FMR1NB: variants seen among roughly 807,000 people sequenced by gnomAD.
FMR1NB encodes FMR1 neighbor protein.
In FMR1NB, 10 loss-of-function variants were observed where a neutral mutation model predicts 16.8. That is an observed-to-expected ratio of 0.60 (90% confidence interval 0.37 to 1.01). The LOEUF (loss-of-function observed/expected upper bound fraction) is 1.01. Among genes scored for constraint, FMR1NB ranks in the 50% least tolerant of loss-of-function variants. FMR1NB has a pLI of 0.01. For missense variants in FMR1NB, 205 were observed against 204.8 expected, an observed-to-expected ratio of 1.00 and a Z score of 0.00; for synonymous variants, 83 against 79.1, an observed-to-expected ratio of 1.05 and a Z score of -0.26.
intron 5 of FMR1NB, among the ~76,000 whole-genome samples, chrX:148,025,545 G>T (rs1215551885): frequency 9.0e-6 from 1 of 111,579 alleles, no homozygotes; most frequent in Non-Finnish European, 1.9e-5. Context: ...TACTTGTACA[G>T]GGTTATAGAT....
chrX:148,006,483 A>G lies in FMR1NB; in HGVS notation c.398-219A>G, dbSNP rs782630114. ...CTATCTTACCAAAGATTTTTTAACA[A>G]CTTGTAATTTTCTGCAATTCACCTA... On this transcript the variant is annotated intron_variant, in intron 2 of 5. Coordinates refer to ENST00000370467, the MANE Select transcript of FMR1NB (RefSeq NM_152578.3). Among the ~76,000 whole-genome samples the G allele has an allele frequency of 4.4e-5, 5 of 112,482 alleles. No homozygotes were observed. In the East Asian group the frequency reaches 1.1e-3, roughly 25 times the overall value.
At chrX:148,018,740 T>A (rs963337397) in intron 4 of FMR1NB, among the ~76,000 whole-genome samples, 1 of 110,970 alleles carries the variant, frequency 9.0e-6, no homozygotes, top group Non-Finnish European at 1.9e-5. Context: ...AACCTAGGCA[T>A]TACCATTCAG....
chrX:147,987,774 C>G (rs2044484387), intron 1 of FMR1NB, among the ~76,000 whole-genome samples: 1 of 111,082 alleles, frequency 9.0e-6, no homozygotes, highest in Non-Finnish European at 1.9e-5. Context: ...CATTGATTCC[C>G]TTTACCATTA....
intron 3 of FMR1NB, 73 bp from the exon 4 acceptor site, chrX:148,008,545 A>T: frequency 1.0e-6 from 1 of 979,693 alleles, no homozygotes; most frequent in Non-Finnish European, 1.4e-6. Context: ...CTTTATAAAG[A>T]CTTTATGAAA....
Position 148,024,849 on chromosome X carries a change from A to T in FMR1NB, c.633-16A>T. ...TAATGAGAAATAAGGTTTCACTTGA[A>T]CTTTTTATGTTACAGCGAACCGGCC... is the stretch of plus-strand genomic sequence containing the variant. On this transcript the variant is annotated splice_polypyrimidine_tract_variant and intron_variant, in intron 4 of 5. Coordinates refer to ENST00000370467, the MANE Select transcript of FMR1NB (RefSeq NM_152578.3). 1 of 1,206,380 alleles carries T rather than the reference A, an allele frequency of 8.3e-7. No individual in the cohort carries two copies. The highest frequency in any genetic ancestry group is 1.1e-6 in the Non-Finnish European group (1 of 892,424).
At chrX:147,984,974 C>T (rs1446205335) in intron 1 of FMR1NB, among the ~76,000 whole-genome samples, 1 of 112,012 alleles carries the variant, frequency 8.9e-6, no homozygotes, top group African/African-American at 3.2e-5. Flanking sequence ...ATTATGTTGA[C>T]TGATTTTCTT....
intron 1 of FMR1NB, among the ~76,000 whole-genome samples, chrX:148,002,524 T>G (rs1411479161): frequency 8.9e-6 from 1 of 112,235 alleles, no homozygotes; most frequent in African/African-American, 3.2e-5. Context: ...AAGCTAACGA[T>G]AATGTAATGA....
chrX:148,010,513 A>G (rs975241042), intron 4 of FMR1NB, among the ~76,000 whole-genome samples: 5 of 112,074 alleles, frequency 4.5e-5, no homozygotes. Context: ...TTTGCAGGGC[A>G]AGATATCTCC....
Position 148,006,677 on chromosome X carries a change from T to C in FMR1NB, c.398-25T>C, listed in dbSNP as rs189578316. 33 of 1,183,977 alleles carry C rather than the reference T, an allele frequency of 2.8e-5. No individual in the cohort carries two copies. The African/African-American group carries it at 5.7e-4, about 21-fold the overall frequency. On this transcript the variant is annotated intron_variant, in intron 2 of 5. Transcript: ENST00000370467. Reference sequence around the variant, plus strand: ...TGGTAACTAACCATGCTGAATTCTCTTTCTTAAATTTCTGTTTTTAAAAGC... The same window carrying C: ...TGGTAACTAACCATGCTGAATTCTCCTTCTTAAATTTCTGTTTTTAAAAGC...
chrX:147,982,580 C>G (rs1426034007), intron 1 of FMR1NB, among the ~76,000 whole-genome samples: 2 of 80,309 alleles, frequency 2.5e-5, no homozygotes, highest in African/African-American at 1.0e-4. Context: ...CAGAGCGAGA[C>G]TCCGTCTCAA....
chrX:148,018,131 G>T (rs1557190294), intron 4 of FMR1NB, among the ~76,000 whole-genome samples: 1 of 110,268 alleles, frequency 9.1e-6, no homozygotes, highest in African/African-American at 3.4e-5. Context: ...TTGCACAAGG[G>T]TTGAACTAGT....
At position 147,986,275 on chromosome X, in the gene FMR1NB, TTCACTCTGA is replaced by T. The variant is rs1233225421; in HGVS notation, c.277+4598_277+4606del. Among the ~76,000 whole-genome samples, 3 of 112,595 alleles carry T rather than the reference TTCACTCTGA, an allele frequency of 2.7e-5. No individual in the cohort carries two copies. In the Admixed American group the frequency reaches 2.8e-4, roughly 11 times the overall value. ...TTTCTCCCATTCTATAGGTTGCCTG[TTCACTCTGA>T]TGATAGTTTCTTTTGCTGAGCAGAA... On this transcript the variant is annotated intron_variant, in intron 1 of 5. Transcript: ENST00000370467.
At chrX:148,026,103 T>C (rs2044702470) in intron 5 of FMR1NB, 1 of 111,690 alleles carries the variant, frequency 9.0e-6, no homozygotes, top group African/African-American at 3.2e-5. Context: ...ATTACTATAA[T>C]GCCTGTGTAT....
intron 4 of FMR1NB, among the ~76,000 whole-genome samples, chrX:148,018,394 G>A (rs999004228): frequency 1.8e-4 from 20 of 111,709 alleles, no homozygotes; most frequent in Admixed American, 1.6e-3. Flanking sequence ...GAACAAAGCT[G>A]GAGGCATCAC....
At chrX:147,997,629 G>A (rs1300962345) in intron 1 of FMR1NB, among the ~76,000 whole-genome samples, 1 of 111,954 alleles carries the variant, frequency 8.9e-6, no homozygotes, top group Non-Finnish European at 1.9e-5. Flanking sequence ...AAACTAAAGA[G>A]CTTCTACTCA....
intron 1 of FMR1NB, among the ~76,000 whole-genome samples, chrX:147,986,268 T>A (rs1232500615): frequency 8.9e-6 from 1 of 112,480 alleles, no homozygotes; most frequent in Non-Finnish European, 1.9e-5. Flanking sequence ...ATTCTATAGG[T>A]TGCCTGTTCA....
intron 1 of FMR1NB, among the ~76,000 whole-genome samples, chrX:147,994,899 T>G (rs1290018858): frequency 2.0e-4 from 23 of 112,576 alleles, no homozygotes; most frequent in African/African-American, 7.4e-4. Flanking sequence ...GGTTGAATTG[T>G]GTTCCCTCAC....
intron 2 of FMR1NB, among the ~76,000 whole-genome samples, chrX:148,005,037 A>G (rs1369672788): frequency 1.8e-5 from 2 of 111,847 alleles, no homozygotes; most frequent in African/African-American, 6.5e-5. Flanking sequence ...CTACAGGCAC[A>G]TGCCACCACG....
chrX:148,012,055 T>C (rs951264899), intron 4 of FMR1NB, among the ~76,000 whole-genome samples: 4 of 111,738 alleles, frequency 3.6e-5, no homozygotes, highest in African/African-American at 1.3e-4. Flanking sequence ...TTATCCTCAA[T>C]AGGGATCAGA....
Sources: allele counts gnomAD v4.1 joint callset (sites outside exome capture counted in the v4.1 genomes callset), GRCh38; gene constraint gnomAD v4.1.1; transcripts MANE v1.5; gene names NCBI Gene and HGNC (gene_info 2026-07-23, HGNC 2026-07-21).